The following AVEN variants were observed in gnomAD, a reference collection of about 807,000 sequenced individuals.
AVEN encodes cell death regulator Aven.
Under a neutral mutation model 38.1 loss-of-function variants are expected in AVEN, and 41 were observed. The observed-to-expected ratio is 1.08, with a 90% confidence interval of 0.84 to 1.40. The LOEUF (loss-of-function observed/expected upper bound fraction) is 1.40. Ranked by LOEUF, AVEN falls within the 40% of genes most tolerant of loss-of-function variation. AVEN has a pLI of 0.00. For missense variants in AVEN, 605 were observed against 438.8 expected (o/e 1.38, Z -3.38); for synonymous variants, 206 against 171.8 (o/e 1.20, Z -1.56).
At chr15:33,897,427 G>A (rs28516819) in intron 2 of AVEN, among the ~76,000 whole-genome samples, 124,472 of 151,906 alleles carry the variant, frequency 0.82, 55,084 homozygotes, top group Non-Finnish European at 0.98. Context: ...CCTCCACCAT[G>A]CCTGGCTAAT....
Position 34,063,064 on chromosome 15 carries a change from C to T in AVEN, n.1495G>A. On this transcript the variant is annotated non_coding_transcript_exon_variant, in exon 5 of 12. Coordinates refer to the AVEN transcript ENST00000675287. The surrounding 1 kb of genome is among the most constrained non-coding windows in gnomAD (Gnocchi z 4.1). ...GCACTGGACTACGTGGCCAGCAACG[C>T]TTCTGTCATGAACCTTCTGGTGATC... 6.2e-7 allele frequency: 1 copy of T among 1,614,224 alleles called. No homozygotes were observed. Among genetic ancestry groups the T allele is most frequent in the Non-Finnish European group, 8.5e-7 (1 of 1,180,042 alleles).
At chr15:34,020,969 G>GA (rs1261698839) in intron 1 of AVEN, among the ~76,000 whole-genome samples, 2 of 152,184 alleles carry the variant, frequency 1.3e-5, no homozygotes, top group African/African-American at 4.8e-5. Context: ...GGTGAGGAAT[G>GA]AATCACTGGG....
chr15:33,942,894 C>T (rs1390660933), intron 2 of AVEN, among the ~76,000 whole-genome samples: 1 of 152,158 alleles, frequency 6.6e-6, no homozygotes, highest in Non-Finnish European at 1.5e-5. Flanking sequence ...TTATTTGGAG[C>T]CTTCTGTTTT....
At chr15:33,967,957 C>T (rs187229044) in intron 2 of AVEN, among the ~76,000 whole-genome samples, 1 of 150,582 alleles carries the variant, frequency 6.6e-6, no homozygotes, top group East Asian at 1.9e-4. Flanking sequence ...AAAAAGGCAG[C>T]CTTTTCTCTG....
intron 2 of AVEN, among the ~76,000 whole-genome samples, chr15:33,999,455 T>A (rs968390360): frequency 2.0e-5 from 3 of 152,202 alleles, no homozygotes; most frequent in African/African-American, 7.2e-5. Context: ...GAATTCTGAC[T>A]GCAACAGGTA....
At chr15:33,945,542 C>T (rs1426793880) in intron 2 of AVEN, among the ~76,000 whole-genome samples, 2 of 152,036 alleles carry the variant, frequency 1.3e-5, no homozygotes, top group East Asian at 3.9e-4. Context: ...CACAGGAGCT[C>T]TTCATGATTT....
At chr15:33,961,284 C>G (rs1895150332) in intron 2 of AVEN, among the ~76,000 whole-genome samples, 1 of 152,206 alleles carries the variant, frequency 6.6e-6, no homozygotes, top group Non-Finnish European at 1.5e-5. Context: ...GCTGGGATTA[C>G]AGGCGTGAGC....
At chr15:34,065,032 A>G (rs1409193044) in intron 4 of AVEN, 1 of 167,052 alleles carries the variant, frequency 6.0e-6, no homozygotes. Context: ...AAACCTGGTC[A>G]TACCCAGTCC....
chr15:34,059,696 G>A (rs57205845), intron 5 of AVEN, among the ~76,000 whole-genome samples: 1 of 151,940 alleles, frequency 6.6e-6, no homozygotes, highest in Non-Finnish European at 1.5e-5. Context: ...TCTGGCACTA[G>A]CATCCCCAGC....
intron 2 of AVEN, among the ~76,000 whole-genome samples, chr15:33,953,489 T>C (rs968488576): frequency 6.6e-6 from 1 of 151,954 alleles, no homozygotes; most frequent in Non-Finnish European, 1.5e-5. Context: ...ACACCACACA[T>C]CCACAACCAT....
Position 34,038,741 on chromosome 15 carries a change from T to A in AVEN, c.267+39A>T, listed in dbSNP as rs541256726. 3.5e-4 allele frequency: 397 copies of A among 1,140,104 alleles called. 6 individuals are homozygous for A. In the East Asian group the frequency reaches 0.015, roughly 44 times the overall value. The allele number at this position is 1,140,104 out of a possible 1,614,324, so 70.6% of individuals were successfully genotyped here. On this transcript the variant is annotated intron_variant, in intron 1 of 5. Transcript: ENST00000306730. ...GCGGCCTCGGCCCCACTTGCCCCAG[T>A]TACACGCGGTCCCAGCCCCACCAGC...
rs554745776 is a variant in AVEN at position 34,063,068 on chromosome 15, T to C, written n.1491A>G. ...TGGACTACGTGGCCAGCAACGCTTC[T>C]GTCATGAACCTTCTGGTGATCAGTT... On this transcript the variant is annotated non_coding_transcript_exon_variant, in exon 5 of 12. Coordinates refer to the AVEN transcript ENST00000675287. The surrounding 1 kb of genome is among the most constrained non-coding windows in gnomAD (Gnocchi z 4.1). The C allele has an allele frequency of 1.2e-6, 2 of 1,614,254 alleles. No homozygotes were observed. Among genetic ancestry groups the C allele is most frequent in the South Asian group, 2.2e-5 (2 of 91,084 alleles).
At chr15:33,944,137 A>G (rs1894421594) in intron 2 of AVEN, among the ~76,000 whole-genome samples, 1 of 152,238 alleles carries the variant, frequency 6.6e-6, no homozygotes, top group Admixed American at 6.5e-5. Context: ...GAACCTACTG[A>G]ATAAAGTTGC....
chr15:33,983,258 T>TCTTA (rs59951787), intron 2 of AVEN, among the ~76,000 whole-genome samples: 37,595 of 146,126 alleles, frequency 0.26, 7,148 homozygotes, highest in African/African-American at 0.5. Flanking sequence ...ATATATGGCT[T>TCTTA]CTTGGTAACC....
intron 2 of AVEN, among the ~76,000 whole-genome samples, chr15:33,967,686 ATTTAAAT>A (rs1436411853): frequency 6.6e-6 from 1 of 152,014 alleles, no homozygotes; most frequent in Non-Finnish European, 1.5e-5. Flanking sequence ...TAAATTTAAA[ATTTAAAT>A]TTTAAACTGA....
chr15:33,854,712 A>G (rs2079463936), downstream of AVEN: 1 of 1,551,886 alleles, frequency 6.4e-7, no homozygotes, highest in African/African-American at 1.4e-5. Context: ...ATGTTTTATA[A>G]TGAGCACACT....
intron 2 of AVEN, among the ~76,000 whole-genome samples, chr15:33,994,296 C>T (rs1896848997): frequency 6.6e-6 from 1 of 152,228 alleles, no homozygotes; most frequent in South Asian, 2.1e-4. Context: ...AGGTTGCACG[C>T]TCCTTATGAG....
At chr15:33,935,391 C>G (rs950293316) in intron 2 of AVEN, among the ~76,000 whole-genome samples, 1 of 152,000 alleles carries the variant, frequency 6.6e-6, no homozygotes, top group African/African-American at 2.4e-5. Context: ...GTTTGTAATT[C>G]ACATAAGGAT....
At chr15:33,865,499 GAGGTAA>G (rs1461122791), downstream of AVEN, 1 of 389,856 alleles carries the variant, frequency 2.6e-6, no homozygotes, top group Non-Finnish European at 4.6e-6. Flanking sequence ...TTCCAGTTCT[GAGGTAA>G]CTAGTTCAGT....
Sources: allele counts gnomAD v4.1 joint callset (sites outside exome capture counted in the v4.1 genomes callset), GRCh38; gene constraint gnomAD v4.1.1; non-coding constraint Gnocchi (gnomAD v3.1); transcripts MANE v1.5; gene names NCBI Gene and HGNC (gene_info 2026-07-23, HGNC 2026-07-21).